The following KALRN variants were observed in gnomAD, a reference collection of about 807,000 sequenced individuals.
KALRN encodes the protein kalirin.
KALRN carries 70 observed loss-of-function variants against 353.7 expected under a neutral mutation model. The ratio of observed to expected loss-of-function variants is 0.20; its 90% CI spans 0.16 to 0.24. The LOEUF (loss-of-function observed/expected upper bound fraction) is 0.24, where lower values mean the gene tolerates loss of function less well. KALRN is among the 10% of genes least tolerant of loss of function. The probability of loss-of-function intolerance (pLI) is 1.00; values close to 1 mark genes in which losing one functional copy is unlikely to be tolerated. For missense variants in KALRN, 2,791 were observed against 3,756.7 expected (o/e 0.74, Z 6.72); for synonymous variants, 1,391 against 1,434.8 (o/e 0.97, Z 0.69).
chr3:124,152,263 T>C lies in KALRN; in HGVS notation c.74-75727T>C, dbSNP rs564462693. 38 of 1,451,948 alleles carry C rather than the reference T, an allele frequency of 2.6e-5. No individual in the cohort carries two copies. In the African/African-American group the frequency reaches 5.1e-4, roughly 20 times the overall value. 89.9% of individuals were successfully genotyped at this position (1,451,948 alleles called of 1,614,324 possible). A position where few individuals can be genotyped will look rare whatever the true frequency, so the allele number is the denominator to read the frequency against. ...TTCATTTACTGACTTCAGATTTGGG[T>C]ACCCCTATGCAATATATGGTTCTAC... is the stretch of plus-strand genomic sequence containing the variant. On this transcript the variant is annotated intron_variant, in intron 1 of 59. Transcript: ENST00000682506.
intron 25 of KALRN, among the ~76,000 whole-genome samples, chr3:124,472,575 ATGTGTG>A (rs57265173): frequency 0.1 from 14,864 of 148,666 alleles, 920 homozygotes; most frequent in East Asian, 0.21. Context: ...GTGTGTGTAT[ATGTGTG>A]TGTGTGTGTG....
chr3:124,582,174 C>T (rs6789768), intron 34 of KALRN, among the ~76,000 whole-genome samples: 37,884 of 152,006 alleles, frequency 0.25, 4,878 homozygotes, highest in East Asian at 0.33. Context: ...ACATGCATCA[C>T]CATGCCCAGT....
intron 1 of KALRN, among the ~76,000 whole-genome samples, chr3:124,090,251 C>T (rs956964455): frequency 6.6e-6 from 1 of 152,122 alleles, no homozygotes; most frequent in African/African-American, 2.4e-5. Flanking sequence ...GGTTTAGAGC[C>T]CAGGGCAGTG....
intron 14 of KALRN, among the ~76,000 whole-genome samples, chr3:124,414,124 A>G (rs544317921): frequency 3.3e-5 from 5 of 152,200 alleles, no homozygotes; most frequent in Admixed American, 6.5e-5. Flanking sequence ...AACGGAAGCC[A>G]TGAGAGCTGG....
intron 34 of KALRN, among the ~76,000 whole-genome samples, chr3:124,579,790 T>A (rs548433260): frequency 6.6e-6 from 1 of 152,326 alleles, no homozygotes; most frequent in South Asian, 2.1e-4. Context: ...GATGGCTGTT[T>A]TCTCAGATGT....
chr3:124,666,834 T>C (rs1204043572), intron 46 of KALRN, among the ~76,000 whole-genome samples, 178 bp from the exon 47 acceptor site: 1 of 152,242 alleles, frequency 6.6e-6, no homozygotes, highest in African/African-American at 2.4e-5. Context: ...GGCATGATCC[T>C]GCAGGTTCCC....
chr3:124,195,884 G>T (rs2075376734), intron 1 of KALRN, among the ~76,000 whole-genome samples: 1 of 152,146 alleles, frequency 6.6e-6, no homozygotes. Context: ...AATTGTTTTG[G>T]TTCTTGTCAA....
intron 1 of KALRN, among the ~76,000 whole-genome samples, chr3:124,170,819 C>G (rs2071653302): frequency 7.2e-6 from 1 of 138,284 alleles, no homozygotes. Context: ...AAACTCCTTC[C>G]ACTTCCACAT....
chr3:124,643,353 T>C (rs1305335470), intron 37 of KALRN, among the ~76,000 whole-genome samples: 1 of 152,004 alleles, frequency 6.6e-6, no homozygotes, highest in Non-Finnish European at 1.5e-5. Flanking sequence ...AAATCTGAAA[T>C]GTCATTGGCC....
At chr3:124,486,106 T>C (rs2062541387) in intron 28 of KALRN, among the ~76,000 whole-genome samples, 1 of 152,172 alleles carries the variant, frequency 6.6e-6, no homozygotes, top group Admixed American at 6.5e-5. Context: ...GAGTGCTCAA[T>C]ATTCTTCATG....
intron 16 of KALRN, 21 bp downstream of exon 16, chr3:124,430,796 C>T (rs376121680): frequency 1.9e-5 from 31 of 1,611,252 alleles, no homozygotes; most frequent in Non-Finnish European, 2.5e-5. Context: ...AATCTGGCTG[C>T]ACTGTCCTCC....
intron 33 of KALRN, chr3:124,504,732 G>A: frequency 2.5e-6 from 1 of 408,018 alleles, no homozygotes; most frequent in East Asian, 7.2e-5. Flanking sequence ...GGCTCTGAGA[G>A]CTTGGCAGTG....
chr3:124,698,305 G>A (rs560773148), intron 55 of KALRN, among the ~76,000 whole-genome samples: 119 of 152,276 alleles, frequency 7.8e-4, no homozygotes, highest in African/African-American at 2.8e-3. Flanking sequence ...TCTTCTCTTC[G>A]TCTCTAGGAG....
chr3:124,216,911 T>C (rs993335973), intron 1 of KALRN, among the ~76,000 whole-genome samples: 4 of 152,200 alleles, frequency 2.6e-5, no homozygotes, highest in African/African-American at 9.6e-5. Flanking sequence ...CCATTGTGTC[T>C]TAGTTAGTCT....
Position 124,334,980 on chromosome 3 carries a change from A to T in KALRN, c.1647+485A>T, listed in dbSNP as rs1187446253. Among the ~76,000 whole-genome samples, 1 of 152,150 alleles carries T rather than the reference A, an allele frequency of 6.6e-6. No individual in the cohort carries two copies. Among genetic ancestry groups the T allele is most frequent in the Admixed American group, 6.5e-5 (1 of 15,278 alleles). On this transcript the variant is annotated intron_variant, in intron 9 of 59. Transcript: ENST00000682506. The surrounding 1 kb of genome is among the most constrained non-coding windows in gnomAD (Gnocchi z 4.2). The stretch of plus-strand genomic sequence containing the variant: ...CAGCTAATTTTTGTATTTTTGGTGG[A>T]GACGGGGTTTCACCATGTTGACCAG...
chr3:124,190,469 G>C (rs878940481), intron 1 of KALRN, among the ~76,000 whole-genome samples: 2 of 152,192 alleles, frequency 1.3e-5, no homozygotes, highest in Admixed American at 1.3e-4. Context: ...CAGAACACTA[G>C]CCAGGCGTTT....
chr3:124,530,013 C>T (rs918038373), intron 33 of KALRN, among the ~76,000 whole-genome samples: 2 of 152,146 alleles, frequency 1.3e-5, no homozygotes, highest in African/African-American at 2.4e-5. Context: ...CTGCCCCACC[C>T]CCATCTCATT....
At chr3:124,680,883 A>T (rs901470707) in intron 51 of KALRN, among the ~76,000 whole-genome samples, 3 of 152,206 alleles carry the variant, frequency 2.0e-5, no homozygotes, top group Non-Finnish European at 2.9e-5. Flanking sequence ...CTTAGAGAAC[A>T]AGGAAGCCAG....
intron 2 of KALRN, among the ~76,000 whole-genome samples, chr3:124,228,309 C>A (rs1579691527): frequency 6.6e-6 from 1 of 152,184 alleles, no homozygotes; most frequent in East Asian, 1.9e-4. Flanking sequence ...CCAACCTCAG[C>A]CCCCTGGCCT....
Sources: allele counts gnomAD v4.1 joint callset (sites outside exome capture counted in the v4.1 genomes callset), GRCh38; gene constraint gnomAD v4.1.1; non-coding constraint Gnocchi (gnomAD v3.1); transcripts MANE v1.5; gene names NCBI Gene and HGNC (gene_info 2026-07-23, HGNC 2026-07-21).